The following PRMT8 variants were observed in gnomAD, a reference collection of about 807,000 sequenced individuals.
PRMT8 encodes protein arginine N-methyltransferase 8.
In PRMT8, 7 loss-of-function variants were observed where a neutral mutation model predicts 47.1. That is an observed-to-expected ratio of 0.15 (90% CI 0.08 to 0.28). The LOEUF is 0.28. PRMT8 is among the 10% of genes least tolerant of loss of function. PRMT8 has a pLI of 1.00. For synonymous variants in PRMT8, 188 were observed against 186.5 expected, an observed-to-expected ratio of 1.01 and a Z score of -0.07; for missense variants, 237 against 505.4, an observed-to-expected ratio of 0.47 and a Z score of 5.09.
At chr12:3,573,347 C>T (rs1866883867) in intron 6 of PRMT8, among the ~76,000 whole-genome samples, 1 of 152,088 alleles carries the variant, frequency 6.6e-6, no homozygotes, top group South Asian at 2.1e-4. Context: ...AAAAAGTTTC[C>T]ATCTCGCTAA....
intron 1 of PRMT8, among the ~76,000 whole-genome samples, chr12:3,416,383 AG>A (rs891778506): frequency 1.3e-5 from 2 of 152,188 alleles, no homozygotes; most frequent in Non-Finnish European, 2.9e-5. Flanking sequence ...AGGATCCTCC[AG>A]GCTTTGCATT....
chr12:3,549,721 T>C (rs573872816), intron 2 of PRMT8, among the ~76,000 whole-genome samples: 18 of 152,312 alleles, frequency 1.2e-4, no homozygotes, highest in Admixed American at 6.5e-4. Flanking sequence ...GGTGAATAGC[T>C]ATCTTTCTGA....
At chr12:3,582,025 C>T (rs1867077142) in intron 7 of PRMT8, among the ~76,000 whole-genome samples, 2 of 152,210 alleles carry the variant, frequency 1.3e-5, no homozygotes, top group South Asian at 4.1e-4. Context: ...CAGGAGGTCC[C>T]TGTGGAACCA....
Position 3,552,725 on chromosome 12 carries a change from C to T in PRMT8, c.418-926C>T, listed in dbSNP as rs1208589093. The T allele has an allele frequency of 1.3e-5, 6 of 475,584 alleles. 1 individual carries two copies. The highest frequency in any genetic ancestry group is 6.1e-5 in the South Asian group (4 of 65,586). 29.5% of individuals were successfully genotyped at this position (475,584 alleles called of 1,614,324 possible). A position where few individuals can be genotyped will look rare whatever the true frequency, so the allele number is the denominator to read the frequency against. On this transcript the variant is annotated intron_variant, in intron 3 of 9. Coordinates refer to ENST00000382622, the MANE Select transcript of PRMT8 (RefSeq NM_019854.5). This position sits in a 1 kb window ranked among gnomAD's most constrained non-coding sequence, Gnocchi z 4.5. ...TAGGTGCCCTCACCCTTCCTCAAGG[C>T]GTGGCCAGAGGCGTCAGAAACTCCC... is the stretch of plus-strand genomic sequence containing the variant.
In PRMT8 at chr12:3,557,685, G is replaced by A. The variant is rs1159977890; in HGVS notation, c.481+3971G>A. On this transcript the variant is annotated intron_variant, in intron 4 of 9. Transcript: ENST00000382622. This position sits in a 1 kb window ranked among gnomAD's most constrained non-coding sequence, Gnocchi z 4.7. ...CCTTCTCCCCAACCTGTGAAATAGG[G>A]CAGATGGTTTTCCCCATTAACAGGT... Among the ~76,000 whole-genome samples the A allele has an allele frequency of 1.3e-5, 2 of 152,282 alleles. No individual in the cohort carries two copies. The highest frequency in any genetic ancestry group is 1.9e-4 in the East Asian group (1 of 5,176).
chr12:3,530,360 A>G (rs1429029766), intron 1 of PRMT8, among the ~76,000 whole-genome samples: 1 of 152,200 alleles, frequency 6.6e-6, no homozygotes, highest in Non-Finnish European at 1.5e-5. Context: ...AGAGGGAAAC[A>G]CAGACATATA....
At chr12:3,495,588 C>T (rs778695780) in intron 1 of PRMT8, among the ~76,000 whole-genome samples, 6 of 152,172 alleles carry the variant, frequency 3.9e-5, no homozygotes, top group Admixed American at 6.5e-5. Flanking sequence ...GTGTTCCTAA[C>T]GCCTGTCTCT....
At chr12:3,397,284 G>A (rs1163783049) in intron 1 of PRMT8, among the ~76,000 whole-genome samples, 2 of 151,898 alleles carry the variant, frequency 1.3e-5, no homozygotes, top group African/African-American at 2.4e-5. Context: ...GAGGAGAGGT[G>A]CTCTGCGTTT....
chr12:3,520,318 C>A (rs1820495513), intron 1 of PRMT8, among the ~76,000 whole-genome samples: 1 of 152,240 alleles, frequency 6.6e-6, no homozygotes, highest in Non-Finnish European at 1.5e-5. Flanking sequence ...GAGTGCCCAT[C>A]AGGGAAGGAG....
intron 1 of PRMT8, among the ~76,000 whole-genome samples, chr12:3,474,015 C>T (rs1865184821): frequency 6.6e-6 from 1 of 152,226 alleles, no homozygotes; most frequent in South Asian, 2.1e-4. Flanking sequence ...CCACTCAACT[C>T]TTCCTCTTCT....
At chr12:3,451,932 T>C (rs1591553630) in intron 1 of PRMT8, among the ~76,000 whole-genome samples, 1 of 152,202 alleles carries the variant, frequency 6.6e-6, no homozygotes, top group Non-Finnish European at 1.5e-5. Context: ...GTAGAGAAGA[T>C]AGATGCGGCT....
chr12:3,564,642 A>G lies in PRMT8; in HGVS notation c.482-4064A>G, dbSNP rs1031073041. Among the ~76,000 whole-genome samples the G allele has an allele frequency of 6.6e-6, 1 of 152,258 alleles. No individual in the cohort carries two copies. Among genetic ancestry groups the G allele is most frequent in the Non-Finnish European group, 1.5e-5 (1 of 68,046 alleles). ...TCATAGTTCGTTGAACAAACTTTCC[A>G]TCATCCTTCTGGAATAAAAACATGG... On this transcript the variant is annotated intron_variant, in intron 4 of 9. Transcript: ENST00000382622. The surrounding 1 kb of genome is among the most constrained non-coding windows in gnomAD (Gnocchi z 4.0).
At chr12:3,525,912 A>G (rs994066999) in intron 1 of PRMT8, among the ~76,000 whole-genome samples, 1 of 152,168 alleles carries the variant, frequency 6.6e-6, no homozygotes, top group Admixed American at 6.5e-5. Flanking sequence ...TTTTAAATAC[A>G]CTGTTCAGTG....
rs1864409901 is a variant in PRMT8 at position 3,409,979 on chromosome 12, C to G, written c.48+28537C>G. Among the ~76,000 whole-genome samples the G allele has an allele frequency of 6.6e-6, 1 of 152,228 alleles. No homozygotes were observed. Among genetic ancestry groups the G allele is most frequent in the Non-Finnish European group, 1.5e-5 (1 of 68,038 alleles). Reference sequence around the variant, plus strand: ...ACTGGGAGGCGTGGATGGAGTGGCTCTGGCCCTCTGGCAGCCTGTTACCTC... The same window carrying G: ...ACTGGGAGGCGTGGATGGAGTGGCTGTGGCCCTCTGGCAGCCTGTTACCTC... On this transcript the variant is annotated intron_variant, in intron 1 of 9. Transcript: ENST00000452611. This position sits in a 1 kb window ranked among gnomAD's most constrained non-coding sequence, Gnocchi z 4.4.
chr12:3,581,055 G>C (rs1867051816), intron 7 of PRMT8, among the ~76,000 whole-genome samples: 2 of 152,184 alleles, frequency 1.3e-5, no homozygotes, highest in Non-Finnish European at 2.9e-5. Context: ...GTGGAGGAAG[G>C]GGCTTGGCCG....
At chr12:3,454,547 G>A (rs1367791743) in intron 1 of PRMT8, among the ~76,000 whole-genome samples, 2 of 152,156 alleles carry the variant, frequency 1.3e-5, no homozygotes, top group African/African-American at 4.8e-5. Flanking sequence ...GAGAGGAGGA[G>A]CAGGGGCCAG....
chr12:3,486,451 T>A (rs944723007), upstream of PRMT8, among the ~76,000 whole-genome samples: 55 of 152,290 alleles, frequency 3.6e-4, 1 homozygote, highest in Middle Eastern at 6.8e-3. Context: ...CCAGAATACT[T>A]AGCACTTGCT....
chr12:3,556,140 G>T (rs937418882), intron 4 of PRMT8, among the ~76,000 whole-genome samples: 1 of 152,118 alleles, frequency 6.6e-6, no homozygotes, highest in African/African-American at 2.4e-5. Flanking sequence ...AGGTAGGTGC[G>T]CTGAGTCAGA....
chr12:3,470,614 C>G (rs1254500065), intron 1 of PRMT8, among the ~76,000 whole-genome samples: 1 of 151,308 alleles, frequency 6.6e-6, no homozygotes, highest in East Asian at 1.9e-4. Flanking sequence ...GGGAAACCTC[C>G]TTCCTGGAAC....
Sources: gnomAD v4.1 joint callset for allele counts (sites outside exome capture counted in the v4.1 genomes callset) on GRCh38, gnomAD v4.1.1 for gene constraint, Gnocchi (gnomAD v3.1) non-coding constraint, MANE v1.5 for transcripts, NCBI Gene and HGNC (gene_info 2026-07-23, HGNC 2026-07-21) for gene names.